Variants in NRG1 observed in about 807,000 individuals in gnomAD.
NRG1 encodes pro-neuregulin-1, membrane-bound isoform.
NRG1 carries 18 observed loss-of-function variants against 63.8 expected under a neutral mutation model. The ratio of observed to expected loss-of-function variants is 0.28; its 90% CI spans 0.19 to 0.42. The LOEUF (loss-of-function observed/expected upper bound fraction) is 0.42. Among genes scored for constraint, NRG1 ranks in the 10% least tolerant of loss-of-function variants. The pLI is 1.00. For synonymous variants in NRG1, 302 were observed against 301.3 expected (o/e 1.00, Z -0.02); for missense variants, 762 against 814.7 (o/e 0.94, Z 0.79).
chr8:32,707,651 C>A (rs1195001019), intron 5 of NRG1, among the ~76,000 whole-genome samples: 1 of 151,614 alleles, frequency 6.6e-6, no homozygotes, highest in Non-Finnish European at 1.5e-5. Flanking sequence ...AGGTACAGTC[C>A]CCTGGTGTGT....
chr8:32,764,286 C>G lies in NRG1; in HGVS notation c.1798C>G (p.Pro600Ala), dbSNP rs201432506. The change falls in exon 12 of 12, where the codon CCT (proline) becomes GCT (alanine). Residue 600 changes from proline (P) to alanine (A), a missense_variant. By Grantham distance (27) the Pro-to-Ala change is conservative. Transcript: ENST00000356819. ...CCTGGCAGCCAGTCTTGAGGCAACA[C>G]CTGCCTTCCGCCTGGCTGACAGCAG... The G allele has an allele frequency of 1.7e-5, 28 of 1,614,102 alleles. No homozygotes were observed. In the East Asian group the frequency reaches 5.8e-4, roughly 33 times the overall value.
intron 1 of NRG1, among the ~76,000 whole-genome samples, chr8:32,477,194 T>C (rs1444576456): frequency 6.6e-6 from 1 of 152,184 alleles, no homozygotes; most frequent in Non-Finnish European, 1.5e-5. Context: ...TTTCAAGGTC[T>C]ACACAAGGAA....
At chr8:32,173,034 T>C (rs911247297) in intron 1 of NRG1, among the ~76,000 whole-genome samples, 7 of 152,034 alleles carry the variant, frequency 4.6e-5, no homozygotes, top group Non-Finnish European at 8.8e-5. Context: ...AGACACATAA[T>C]TGTCAGATTC....
intron 1 of NRG1, among the ~76,000 whole-genome samples, chr8:31,939,837 G>T (rs1271482052): frequency 6.6e-6 from 1 of 152,098 alleles, no homozygotes; most frequent in Non-Finnish European, 1.5e-5. Context: ...ATTATATAAT[G>T]TTAAAGGGAT....
chr8:31,937,239 CAT>C (rs1289947415), intron 1 of NRG1, among the ~76,000 whole-genome samples: 2 of 152,050 alleles, frequency 1.3e-5, no homozygotes, highest in African/African-American at 4.8e-5. Context: ...TGAATAAAAA[CAT>C]GTAAATAAAT....
At chr8:32,648,091 T>C (rs1031098433) in intron 5 of NRG1, 3 of 1,614,034 alleles carry the variant, frequency 1.9e-6, no homozygotes, top group Non-Finnish European at 2.5e-6. Context: ...ATTATTTCTC[T>C]GGACGCAACT....
chr8:32,027,970 C>A (rs1332630643), intron 1 of NRG1, among the ~76,000 whole-genome samples: 5 of 152,146 alleles, frequency 3.3e-5, no homozygotes, highest in Non-Finnish European at 7.4e-5. Context: ...GGACATTTTT[C>A]TTGCTTGGGT....
At position 31,640,581 on chromosome 8, in the gene NRG1, C is replaced by T; in HGVS notation, c.37+1150C>T. On this transcript the variant is annotated intron_variant, in intron 1 of 10. Transcript: ENST00000519301. This position sits in a 1 kb window ranked among gnomAD's most constrained non-coding sequence, Gnocchi z 6.3. ...CCGCCTTCCCCTCCTGCGGGAGGCTCAAGGAGGACAGCAGGTACATCTTCT... is the reference window on the plus strand; with the variant it reads ...CCGCCTTCCCCTCCTGCGGGAGGCTTAAGGAGGACAGCAGGTACATCTTCT... 1 of 1,612,032 alleles carries T rather than the reference C, an allele frequency of 6.2e-7. No homozygotes were observed. The highest frequency in any genetic ancestry group is 8.5e-7 in the Non-Finnish European group (1 of 1,179,512).
At chr8:32,413,130 G>C (rs1815349047) in intron 1 of NRG1, among the ~76,000 whole-genome samples, 1 of 152,096 alleles carries the variant, frequency 6.6e-6, no homozygotes, top group African/African-American at 2.4e-5. Flanking sequence ...CTTATCCTAA[G>C]AATTTACCCT....
At chr8:31,957,076 A>G (rs1804562812) in intron 1 of NRG1, among the ~76,000 whole-genome samples, 1 of 152,218 alleles carries the variant, frequency 6.6e-6, no homozygotes. Flanking sequence ...TTTAGATGTT[A>G]AAAGTGATAG....
At chr8:32,484,856 T>C (rs1445536005) in intron 1 of NRG1, among the ~76,000 whole-genome samples, 1 of 152,220 alleles carries the variant, frequency 6.6e-6, no homozygotes, top group African/African-American at 2.4e-5. Context: ...ATTAAAATTT[T>C]AGCCTGTAAA....
intron 1 of NRG1, among the ~76,000 whole-genome samples, chr8:31,798,021 G>A (rs1039173583): frequency 7.9e-5 from 12 of 152,100 alleles, no homozygotes; most frequent in African/African-American, 2.9e-4. Context: ...GTGGTTATTA[G>A]AGGCTGTGAG....
intron 1 of NRG1, among the ~76,000 whole-genome samples, chr8:31,870,378 A>T (rs911619239): frequency 6.6e-6 from 1 of 152,232 alleles, no homozygotes; most frequent in Non-Finnish European, 1.5e-5. Context: ...AGATATAAAT[A>T]GAATGCTTTT....
chr8:31,932,294 A>C (rs2129620047), intron 1 of NRG1, among the ~76,000 whole-genome samples: 1 of 152,300 alleles, frequency 6.6e-6, no homozygotes, highest in South Asian at 2.1e-4. Context: ...TTCATCTCGC[A>C]AATTTTCCGT....
At chr8:31,963,861 G>A (rs1173367276) in intron 1 of NRG1, among the ~76,000 whole-genome samples, 6 of 152,186 alleles carry the variant, frequency 3.9e-5, no homozygotes, top group Non-Finnish European at 7.4e-5. Context: ...GTAACTCTAG[G>A]TCAGTCATGC....
intron 1 of NRG1, among the ~76,000 whole-genome samples, chr8:32,325,918 C>T (rs1169799262): frequency 2.0e-5 from 3 of 152,008 alleles, no homozygotes; most frequent in African/African-American, 4.8e-5. Flanking sequence ...CTGAGCACCA[C>T]GATGCTGGCT....
At chr8:31,894,808 C>A (rs1392557820) in intron 1 of NRG1, among the ~76,000 whole-genome samples, 1 of 152,088 alleles carries the variant, frequency 6.6e-6, no homozygotes, top group Non-Finnish European at 1.5e-5. Flanking sequence ...CCTAAGCCTG[C>A]CAAAGTGCTG....
intron 1 of NRG1, among the ~76,000 whole-genome samples, chr8:31,730,717 A>C (rs1233875200): frequency 6.6e-6 from 1 of 151,972 alleles, no homozygotes; most frequent in Admixed American, 6.6e-5. Context: ...CAAACATGAA[A>C]TCCAGATCCC....
chr8:31,799,579 C>A (rs1821553937), intron 1 of NRG1, among the ~76,000 whole-genome samples: 1 of 151,972 alleles, frequency 6.6e-6, no homozygotes, highest in South Asian at 2.1e-4. Context: ...ACATAATTAA[C>A]ATATAATTAT....
Sources: gnomAD v4.1 joint callset for allele counts (sites outside exome capture counted in the v4.1 genomes callset) on GRCh38, gnomAD v4.1.1 for gene constraint, Gnocchi (gnomAD v3.1) non-coding constraint, MANE v1.5 for transcripts, NCBI Gene and HGNC (gene_info 2026-07-23, HGNC 2026-07-21) for gene names.